Variants in AP3B2 observed in about 807,000 individuals in gnomAD.
AP3B2 encodes the protein AP-3 complex subunit beta-2.
Under a neutral mutation model 126.9 loss-of-function variants are expected in AP3B2, and 50 were observed. The observed-to-expected ratio is 0.39, with a 90% CI of 0.31 to 0.50. AP3B2 has a LOEUF of 0.50. Among genes scored for constraint, AP3B2 ranks in the 20% least tolerant of loss-of-function variants. The pLI is 0.79. For missense variants in AP3B2, 1,177 were observed against 1,426.4 expected (o/e 0.83, Z 2.82); for synonymous variants, 541 against 565.0 (o/e 0.96, Z 0.60).
rs1209898228 is a variant in AP3B2, at chr15:82,664,794, T to C, written c.2137+41A>G. ...TCATATAGTCAGTCACACAGATGCA[T>C]GGGCAGAGCACAGAGGACCCCAGCT... On this transcript the variant is annotated intron_variant, in intron 18 of 26. Coordinates refer to ENST00000535359, the MANE Select transcript of AP3B2 (RefSeq NM_001278512.2). The surrounding 1 kb of genome is among the most constrained non-coding windows in gnomAD (Gnocchi z 4.5). 9 of 1,440,886 alleles carry C rather than the reference T, an allele frequency of 6.2e-6. No individual in the cohort carries two copies. Among genetic ancestry groups the C allele is most frequent in the Middle Eastern group, 1.7e-4 (1 of 5,790 alleles). 89.3% of individuals were successfully genotyped at this position (1,440,886 alleles called of 1,614,324 possible). A position where few individuals can be genotyped will look rare whatever the true frequency, so the allele number is the denominator to read the frequency against.
At chr15:82,695,553 C>A (rs915777695) in intron 1 of AP3B2, among the ~76,000 whole-genome samples, 67 of 152,092 alleles carry the variant, frequency 4.4e-4, no homozygotes, top group African/African-American at 1.6e-3. Flanking sequence ...GACTGTGGAA[C>A]ATGTGAAGGT....
chr15:82,688,415 T>C, intron 4 of AP3B2: 1 of 702,100 alleles, frequency 1.4e-6, no homozygotes, highest in South Asian at 1.5e-5. Flanking sequence ...GGGGTGAGGG[T>C]TGAGGGGTTC....
At chr15:82,696,536 C>A (rs892818677) in intron 1 of AP3B2, among the ~76,000 whole-genome samples, 9 of 152,288 alleles carry the variant, frequency 5.9e-5, no homozygotes, top group African/African-American at 2.2e-4. Context: ...CGAGATCGCG[C>A]CACTGCACTC....
chr15:82,688,479 G>T (rs2048469508), intron 4 of AP3B2: 1 of 702,394 alleles, frequency 1.4e-6, no homozygotes, highest in Non-Finnish European at 2.6e-6. Flanking sequence ...CATACTAGAA[G>T]CAGCCATTAC....
In AP3B2 at chr15:82,700,397, C is replaced by CTTTTTTTGTTTTTTTTTTTTTTTTTTTTT. The variant is rs2048700262; in HGVS notation, c.113+9196_113+9197insAAAAAAAAAAAAAAAAAAAAACAAAAAAA. Among the ~76,000 whole-genome samples, 2 of 35,086 alleles carry CTTTTTTTGTTTTTTTTTTTTTTTTTTTTT rather than the reference C, an allele frequency of 5.7e-5. 1 individual carries two copies. Among genetic ancestry groups the CTTTTTTTGTTTTTTTTTTTTTTTTTTTTT allele is most frequent in the Non-Finnish European group, 1.0e-4 (2 of 19,538 alleles). The allele number at this position is 35,086 out of a possible 152,430, so 23.0% of individuals were successfully genotyped here. On this transcript the variant is annotated intron_variant, in intron 1 of 26. Transcript: ENST00000535359. ...CCACTGGCCTGCCAGTGGTGGGTGG[C>CTTTTTTTGTTTTTTTTTTTTTTTTTTTTT]TTTTTTTTTTTTTTTTTTCAGATGG...
chr15:82,708,577 T>A (rs1473916997), intron 1 of AP3B2, among the ~76,000 whole-genome samples: 1 of 152,182 alleles, frequency 6.6e-6, no homozygotes, highest in Non-Finnish European at 1.5e-5. Flanking sequence ...TCTTGTTCAA[T>A]CTGGCCCACC....
At chr15:82,700,653 C>G (rs2048707034) in intron 1 of AP3B2, among the ~76,000 whole-genome samples, 1 of 151,772 alleles carries the variant, frequency 6.6e-6, no homozygotes, top group Non-Finnish European at 1.5e-5. Context: ...CCTGCCTCAG[C>G]CTCCCAAAGT....
Position 82,680,333 on chromosome 15 carries a change from G to C in AP3B2, c.1056-104C>G. ...AAGTCGTTGCGGGGAGAGGACCAGT[G>C]CGGAGGGCAGGACTACGGTCAGTGT... On this transcript the variant is annotated intron_variant, in intron 8 of 26. Transcript: ENST00000535359. The surrounding 1 kb of genome is among the most constrained non-coding windows in gnomAD (Gnocchi z 6.1). 4.5e-6 allele frequency: 7 copies of C among 1,550,826 alleles called. No homozygotes were observed. Among genetic ancestry groups the C allele is most frequent in the Non-Finnish European group, 6.1e-6 (7 of 1,142,056 alleles).
At chr15:82,667,045 T>C in intron 14 of AP3B2, 112 bp from the exon 15 acceptor site, 1 of 1,120,948 alleles carries the variant, frequency 8.9e-7, no homozygotes, top group Non-Finnish European at 1.3e-6. Flanking sequence ...TCTCCCTGCT[T>C]AGGACCGGCG....
chr15:82,694,248 G>A lies in AP3B2; in HGVS notation c.114-4795C>T, dbSNP rs1027397399. On this transcript the variant is annotated intron_variant, in intron 1 of 26. Transcript: ENST00000535359. ...TCAAACTCCTGGACTCAAGTGATTTGCCTCCTTCGGCCTCCCAAAGTGCTG... is the reference window on the plus strand; with the variant it reads ...TCAAACTCCTGGACTCAAGTGATTTACCTCCTTCGGCCTCCCAAAGTGCTG... Among the ~76,000 whole-genome samples, 98 of 152,028 alleles carry A rather than the reference G, an allele frequency of 6.4e-4. 1 individual carries two copies. Among genetic ancestry groups the A allele is most frequent in the African/African-American group, 2.3e-3 (94 of 41,476 alleles).
intron 1 of AP3B2, among the ~76,000 whole-genome samples, chr15:82,695,098 T>TC (rs57937306): frequency 0.18 from 12,625 of 68,632 alleles, 707 homozygotes; most frequent in African/African-American, 0.24. Flanking sequence ...TTTCTTTCTT[T>TC]TTTTTTTTTT....
chr15:82,664,403 T>C lies in AP3B2; in HGVS notation c.2225A>G (p.Gln742Arg). The C allele has an allele frequency of 1.2e-6, 2 of 1,613,958 alleles. No individual in the cohort carries two copies. The highest frequency in any genetic ancestry group is 1.7e-6 in the Non-Finnish European group (2 of 1,179,876). The change falls in exon 19 of 27, where the codon CAG becomes CGG. Residue 742 changes from glutamine (Q) to arginine (R), a missense_variant. Around this residue, in one of 5 missense-constraint regions of AP3B2, gnomAD observed 587 missense variants for 571.3 expected, o/e 1.03. Transcript: ENST00000535359. This position sits in a 1 kb window ranked among gnomAD's most constrained non-coding sequence, Gnocchi z 4.5. ...ESSSESDNED[Q>R]DEDEEKGRGS... ...TCTCCCTTTCTCCTCATCCTCATCC[T>C]GGTCTTCATTGTCGGACTCACTGCT...
chr15:82,661,223 T>C (rs889291580), intron 25 of AP3B2, among the ~76,000 whole-genome samples: 5 of 152,220 alleles, frequency 3.3e-5, no homozygotes, highest in African/African-American at 1.2e-4. Context: ...ACCACCTCTA[T>C]GTTCATGACT....
In AP3B2 at chr15:82,661,843, C is replaced by T; in HGVS notation, c.2998G>A (p.Glu1000Lys). 3 of 1,613,378 alleles carry T rather than the reference C, an allele frequency of 1.9e-6. No individual in the cohort carries two copies. The highest frequency in any genetic ancestry group is 1.7e-5 in the Admixed American group (1 of 59,936). ...CACTCACCCTGTTCCTTCTTAAACT[C>T]ATTTTCACTCATGAACACAGGGGCC... Reference protein sequence around the residue: ...LMAPVFMSENEFKKEQGKLMG... With the variant: ...LMAPVFMSENKFKKEQGKLMG... The change falls in exon 25 of 27, where the codon GAG (glutamate) becomes AAG (lysine). Residue 1000 changes from glutamate (E) to lysine (K), a missense_variant. Glu to Lys is a moderately conservative substitution (Grantham distance 56, BLOSUM62 1). Coordinates refer to ENST00000535359, the MANE Select transcript of AP3B2 (RefSeq NM_001278512.2).
At chr15:82,684,033 C>T (rs1024899499) in intron 4 of AP3B2, among the ~76,000 whole-genome samples, 1 of 152,196 alleles carries the variant, frequency 6.6e-6, no homozygotes, top group African/African-American at 2.4e-5. Context: ...AGAGCACAGG[C>T]AGAGGAGATC....
Position 82,678,102 on chromosome 15 carries a change from T to G in AP3B2, c.1245+3A>C, listed in dbSNP as rs940753703. On this transcript the variant is annotated splice_donor_region_variant and intron_variant, in intron 11 of 26. Transcript: ENST00000535359. The stretch of plus-strand genomic sequence containing the variant: ...GCCCTTCTGGCTGGGAGCTGGCCTG[T>G]ACCTGGAATTCCCGTAGGACAGTAG... The G allele has an allele frequency of 1.2e-6, 2 of 1,613,652 alleles. No individual in the cohort carries two copies. The highest frequency in any genetic ancestry group is 3.3e-5 in the Admixed American group (2 of 59,986).
In AP3B2 at chr15:82,680,705, C is replaced by T; in HGVS notation, c.822G>A (p.Glu274=). Residue 274 remains glutamate (E), a synonymous_variant, in exon 8 of 27, where the codon GAG becomes GAA. Transcript: ENST00000535359. This position sits in a 1 kb window ranked among gnomAD's most constrained non-coding sequence, Gnocchi z 6.1. ...NAEKAFYGSE[E]DEAKGAGSEE... is the part of the protein sequence containing the mutation. ...CAGACCCCGCGCCCTTGGCCTCGTC[C>T]TCCTCTGAGCCGTAGAAGGCTTTTT... The T allele has an allele frequency of 6.4e-7, 1 of 1,563,390 alleles. No individual in the cohort carries two copies.
At chr15:82,661,390 G>A (rs1318380443) in intron 25 of AP3B2, among the ~76,000 whole-genome samples, 1 of 152,082 alleles carries the variant, frequency 6.6e-6, no homozygotes, top group Non-Finnish European at 1.5e-5. Context: ...TTTCTTCTAG[G>A]CCAGAGGTTT....
In AP3B2 at chr15:82,698,539, C is replaced by T. The variant is rs1033949012; in HGVS notation, c.114-9086G>A. On this transcript the variant is annotated intron_variant, in intron 1 of 26. Transcript: ENST00000535359. ...ACATCTAATACACAGATAACTTGGA[C>T]CAAACTTGGCCTCTCCAGTCTCATT... 2.6e-5 allele frequency among the ~76,000 whole-genome samples: 4 copies of T among 151,794 alleles called. No individual in the cohort carries two copies. In the South Asian group the frequency reaches 6.2e-4, roughly 24 times the overall value.
Sources: allele counts gnomAD v4.1 joint callset (sites outside exome capture counted in the v4.1 genomes callset), GRCh38; gene constraint gnomAD v4.1.1; regional missense constraint gnomAD v4.1.1; non-coding constraint Gnocchi (gnomAD v3.1); transcripts MANE v1.5; gene names NCBI Gene and HGNC (gene_info 2026-07-23, HGNC 2026-07-21).